HOTAIR: variants seen among roughly 807,000 people sequenced by gnomAD.
HOTAIR encodes HOX transcript antisense RNA.
Position 53,973,979 on chromosome 12 carries a change from A to T in HOTAIR, n.59+919T>A, listed in dbSNP as rs561773102. ...CAGCGAGGGAGGGAGCGAGAGAGGG[A>T]GGGCGAGAGAAGGGGGGAGGCAAGG... is the stretch of plus-strand genomic sequence containing the variant. On this transcript the variant is annotated intron_variant and non_coding_transcript_variant, in intron 1 of 6. Coordinates refer to ENST00000424518, the Ensembl canonical transcript of HOTAIR. This position sits in a 1 kb window ranked among gnomAD's most constrained non-coding sequence, Gnocchi z 4.3. 1 of 1,389,760 alleles carries T rather than the reference A, an allele frequency of 7.2e-7. No individual in the cohort carries two copies. The highest frequency in any genetic ancestry group is 9.4e-7 in the Non-Finnish European group (1 of 1,059,284). 86.1% of individuals were successfully genotyped at this position (1,389,760 alleles called of 1,614,324 possible). A position where few individuals can be genotyped will look rare whatever the true frequency, so the allele number is the denominator to read the frequency against.
Position 53,973,008 on chromosome 12 carries a change from T to A in HOTAIR, n.59+1890A>T. ...AAATCTGCAATTGATTTTCATAATG[T>A]TTCTGCGGTGTTTGCAAACCAATCG... is the stretch of plus-strand genomic sequence containing the variant. On this transcript the variant is annotated intron_variant and non_coding_transcript_variant, in intron 1 of 6. Transcript: ENST00000424518. The surrounding 1 kb of genome is among the most constrained non-coding windows in gnomAD (Gnocchi z 4.3). 1 of 443,180 alleles carries A rather than the reference T, an allele frequency of 2.3e-6. No individual in the cohort carries two copies. Among genetic ancestry groups the A allele is most frequent in the Non-Finnish European group, 4.0e-6 (1 of 252,376 alleles). 27.5% of individuals were successfully genotyped at this position (443,180 alleles called of 1,614,324 possible).
At chr12:53,963,245 C>T (rs1244001226) in exon 7 of HOTAIR, 1 of 152,246 alleles carries the variant, frequency 6.6e-6, no homozygotes, top group Non-Finnish European at 1.5e-5. Context: ...CTACACAACC[C>T]CTTCGCTTCC....
At chr12:53,972,966 G>C (rs1402926214) in intron 1 of HOTAIR, among the ~76,000 whole-genome samples, 2 of 148,626 alleles carry the variant, frequency 1.3e-5, no homozygotes, top group African/African-American at 4.9e-5. Flanking sequence ...GGGGAGTGAC[G>C]AGAGAAAAAC....
intron 1 of HOTAIR, among the ~76,000 whole-genome samples, chr12:53,971,199 A>G (rs906730568): frequency 6.6e-6 from 1 of 152,184 alleles, no homozygotes; most frequent in Non-Finnish European, 1.5e-5. Flanking sequence ...GCCCCTTACC[A>G]ACAGAAGTCT....
chr12:53,972,999 T>G (rs1392715886), intron 1 of HOTAIR: 6 of 422,862 alleles, frequency 1.4e-5, no homozygotes, highest in Non-Finnish European at 2.5e-5. Context: ...GCAATTGATT[T>G]TCATAATGTT....
At chr12:53,969,810 T>C (rs1317936497) in intron 1 of HOTAIR, among the ~76,000 whole-genome samples, 1 of 152,180 alleles carries the variant, frequency 6.6e-6, no homozygotes, top group Non-Finnish European at 1.5e-5. Flanking sequence ...GTGGGCCCCA[T>C]TTCTTCTTTC....
At chr12:53,971,512 T>G (rs1369474153) in intron 1 of HOTAIR, among the ~76,000 whole-genome samples, 2 of 152,226 alleles carry the variant, frequency 1.3e-5, no homozygotes, top group Non-Finnish European at 2.9e-5. Flanking sequence ...CCGCAGCACC[T>G]TATCATGTTT....
chr12:53,973,909 A>G lies in HOTAIR; in HGVS notation n.59+989T>C. 6.9e-7 allele frequency: 1 copy of G among 1,444,152 alleles called. No individual in the cohort carries two copies. Among genetic ancestry groups the G allele is most frequent in the Non-Finnish European group, 9.1e-7 (1 of 1,096,762 alleles). 89.5% of individuals were successfully genotyped at this position (1,444,152 alleles called of 1,614,324 possible). On this transcript the variant is annotated intron_variant and non_coding_transcript_variant, in intron 1 of 6. Transcript: ENST00000424518. This position sits in a 1 kb window ranked among gnomAD's most constrained non-coding sequence, Gnocchi z 4.3. ...CACTCCGTGGCCAAGGAGCCGGCCA[A>G]AGGAGCCGCCCCCAGTAGGTAGCAG...
intron 4 of HOTAIR, chr12:53,966,174 C>G (rs1939049349): frequency 6.6e-6 from 1 of 151,656 alleles, no homozygotes; most frequent in African/African-American, 2.4e-5. Context: ...CTCTTTTTCT[C>G]TCTCTGGCTC....
At chr12:53,974,886 A>G in intron 1 of HOTAIR, 1 of 318,098 alleles carries the variant, frequency 3.1e-6, no homozygotes, top group Non-Finnish European at 5.7e-6. Context: ...GCCCGAGGGG[A>G]CGCACGTGTA....
intron 1 of HOTAIR, chr12:53,968,857 G>C (rs533687784): frequency 2.6e-5 from 4 of 152,370 alleles, no homozygotes; most frequent in Admixed American, 2.0e-4. Flanking sequence ...GTCACCTGAA[G>C]TTTTTCACCC....
chr12:53,970,309 G>C (rs1008280609), intron 1 of HOTAIR, among the ~76,000 whole-genome samples: 2 of 152,218 alleles, frequency 1.3e-5, no homozygotes, highest in African/African-American at 4.8e-5. Flanking sequence ...CTCCTGTACA[G>C]GGAGGTATTG....
intron 1 of HOTAIR, among the ~76,000 whole-genome samples, chr12:53,972,865 C>T (rs924186139): frequency 1.6e-4 from 24 of 152,100 alleles, no homozygotes; most frequent in African/African-American, 5.6e-4. Context: ...ATACAATTAC[C>T]CCTTCCCAGC....
In HOTAIR at chr12:53,973,184, C is replaced by T. The variant is rs941746193; in HGVS notation, n.59+1714G>A. ...GCGTCATCTCGCCTTCCCAAATTTT[C>T]CCCCCTCGCTAGACCGGGTCCAAAA... On this transcript the variant is annotated intron_variant and non_coding_transcript_variant, in intron 1 of 6. Coordinates refer to ENST00000424518, the Ensembl canonical transcript of HOTAIR. The surrounding 1 kb of genome is among the most constrained non-coding windows in gnomAD (Gnocchi z 4.3). 2.2e-6 allele frequency: 3 copies of T among 1,391,296 alleles called. No homozygotes were observed. The highest frequency in any genetic ancestry group is 2.9e-6 in the Non-Finnish European group (3 of 1,032,368). 86.2% of individuals were successfully genotyped at this position (1,391,296 alleles called of 1,614,324 possible). A position where few individuals can be genotyped will look rare whatever the true frequency, so the allele number is the denominator to read the frequency against.
chr12:53,969,560 G>T (rs1459947518), intron 1 of HOTAIR, among the ~76,000 whole-genome samples: 2 of 152,226 alleles, frequency 1.3e-5, no homozygotes, highest in South Asian at 2.1e-4. Context: ...GGTGTCCCGG[G>T]TGCAAGATAA....
intron 1 of HOTAIR, among the ~76,000 whole-genome samples, chr12:53,972,817 C>T (rs961083806): frequency 6.6e-6 from 1 of 152,056 alleles, no homozygotes; most frequent in Non-Finnish European, 1.5e-5. Context: ...CCTCCTTCCC[C>T]CAATCCTGGG....
chr12:53,969,472 G>T (rs370209188), intron 1 of HOTAIR, among the ~76,000 whole-genome samples: 1 of 152,186 alleles, frequency 6.6e-6, no homozygotes, highest in Non-Finnish European at 1.5e-5. Context: ...CAGGCTTGGG[G>T]CAATGGCCAA....
intron 5 of HOTAIR, among the ~76,000 whole-genome samples, chr12:53,965,765 A>G (rs1939040548): frequency 6.6e-6 from 1 of 152,204 alleles, no homozygotes; most frequent in Non-Finnish European, 1.5e-5. Flanking sequence ...AATGAAAAGG[A>G]AAAGACAGAA....
rs552550851 is a variant in HOTAIR at position 53,965,292 on chromosome 12, C to A, written n.551+672G>T. On this transcript the variant is annotated intron_variant and non_coding_transcript_variant, in intron 5 of 6. Transcript: ENST00000424518. Reference sequence around the variant, plus strand: ...AGCTGTGGGATCTGCTTTCCCCATGCCCCCCCAGCCTGAGGCTTTGCTCTC... The same window carrying A: ...AGCTGTGGGATCTGCTTTCCCCATGACCCCCCAGCCTGAGGCTTTGCTCTC... Among the ~76,000 whole-genome samples the A allele has an allele frequency of 2.6e-5, 4 of 152,172 alleles. No homozygotes were observed. The South Asian group carries it at 6.2e-4, about 24-fold the overall frequency.
Sources: gnomAD v4.1 joint callset for allele counts (sites outside exome capture counted in the v4.1 genomes callset) on GRCh38, gnomAD v4.1.1 for gene constraint, Gnocchi (gnomAD v3.1) non-coding constraint, MANE v1.5 for transcripts, NCBI Gene and HGNC (gene_info 2026-07-23, HGNC 2026-07-21) for gene names.